The following KIF15 variants were observed in gnomAD, a reference collection of about 807,000 sequenced individuals.
KIF15 encodes the protein kinesin-like protein KIF15.
KIF15 carries 140 observed loss-of-function variants against 190.6 expected under a neutral mutation model. The observed-to-expected ratio is 0.73, with a 90% CI of 0.64 to 0.84. The LOEUF (loss-of-function observed/expected upper bound fraction) is 0.84. Among genes scored for constraint, KIF15 ranks in the 40% least tolerant of loss-of-function variants. The pLI, the probability that KIF15 is intolerant of heterozygous loss-of-function variation, is 0.00. For missense variants in KIF15, 1,372 were observed against 1,584.4 expected, an observed-to-expected ratio of 0.87 and a Z score of 2.28; for synonymous variants, 528 against 551.3, an observed-to-expected ratio of 0.96 and a Z score of 0.59.
At chr3:44,822,891 T>C (rs147114871) in intron 20 of KIF15, among the ~76,000 whole-genome samples, 2,827 of 152,306 alleles carry the variant, frequency 0.019, 74 homozygotes, top group African/African-American at 0.063. Flanking sequence ...CTGTTTATTC[T>C]AGTTAGCCAT....
rs958381583 is a variant in KIF15 at position 44,861,940 on chromosome 3, G to T, written c.*59+9146G>T. ...AGCAGGCAACATGGCCGAGAGGCCG[G>T]GGCCTCCGGGCGGCGCCGTGTCCGC... On this transcript the variant is annotated intron_variant and NMD_transcript_variant, in intron 6 of 6. Transcript: ENST00000422209. The T allele has an allele frequency of 7.0e-6, 10 of 1,421,730 alleles. No homozygotes were observed. In the Admixed American group the frequency reaches 2.2e-4, roughly 31 times the overall value. The allele number at this position is 1,421,730 out of a possible 1,614,324, so 88.1% of individuals were successfully genotyped here.
rs1270224017 is a variant in KIF15 at position 44,780,883 on chromosome 3, A to G, written c.324-2A>G. Reference sequence around the variant, plus strand: ...AAATAATATGTAAAACATTTTTTACAGTGGACAGACTGGCTCAGGGAAGAC... The same window carrying G: ...AAATAATATGTAAAACATTTTTTACGGTGGACAGACTGGCTCAGGGAAGAC... On this transcript the variant is annotated splice_acceptor_variant, in intron 4 of 34. Coordinates refer to ENST00000326047, the MANE Select transcript of KIF15 (RefSeq NM_020242.3). LOFTEE classifies it high-confidence loss of function. 6.3e-7 allele frequency: 1 copy of G among 1,589,164 alleles called. No homozygotes were observed. Among genetic ancestry groups the G allele is most frequent in the Admixed American group, 1.7e-5 (1 of 57,598 alleles).
At chr3:44,860,249 C>CT (rs1453012570) in intron 6 of KIF15, among the ~76,000 whole-genome samples, 1 of 152,194 alleles carries the variant, frequency 6.6e-6, no homozygotes, top group African/African-American at 2.4e-5. Context: ...CTGATAAGAG[C>CT]TTTCAGAGGG....
intron 8 of KIF15, among the ~76,000 whole-genome samples, chr3:44,796,452 G>T (rs149525322): frequency 6.6e-6 from 1 of 152,176 alleles, no homozygotes; most frequent in Non-Finnish European, 1.5e-5. Context: ...ACAACTCTGG[G>T]AAGTAGGTGC....
At chr3:44,831,789 G>A (rs1335857611) in intron 26 of KIF15, among the ~76,000 whole-genome samples, 2 of 151,990 alleles carry the variant, frequency 1.3e-5, no homozygotes, top group African/African-American at 4.8e-5. Context: ...TCAGTTTCTT[G>A]TGTAACTTTC....
At chr3:44,849,047 G>A (rs1447311912) in intron 32 of KIF15, among the ~76,000 whole-genome samples, 2 of 152,174 alleles carry the variant, frequency 1.3e-5, no homozygotes, top group Admixed American at 6.5e-5. Flanking sequence ...TGAGCAAGGT[G>A]TACTATATTT....
chr3:44,845,274 T>A (rs868770475), intron 30 of KIF15, among the ~76,000 whole-genome samples: 7 of 152,238 alleles, frequency 4.6e-5, no homozygotes, highest in South Asian at 2.1e-4. Flanking sequence ...GAGGTGGTTT[T>A]GGTGGGAGTA....
At chr3:44,794,764 A>AC (rs1706890575) in intron 8 of KIF15, among the ~76,000 whole-genome samples, 1 of 152,138 alleles carries the variant, frequency 6.6e-6, no homozygotes, top group Non-Finnish European at 1.5e-5. Flanking sequence ...GATCGAGACC[A>AC]TCCTGGCCAA....
chr3:44,800,693 ACTT>A (rs1707226023), intron 11 of KIF15, among the ~76,000 whole-genome samples: 1 of 152,378 alleles, frequency 6.6e-6, no homozygotes, highest in African/African-American at 2.4e-5. Context: ...ATTTAGATCT[ACTT>A]CTACGTAGCA....
intron 6 of KIF15, among the ~76,000 whole-genome samples, chr3:44,785,847 T>C (rs894814503): frequency 1.3e-5 from 2 of 152,128 alleles, no homozygotes; most frequent in Admixed American, 6.5e-5. Flanking sequence ...CCCCCTGTAT[T>C]AGCTCCCAGG....
At position 44,807,474 on chromosome 3, in the gene KIF15, C is replaced by T. The variant is rs915886653; in HGVS notation, c.1971+1488C>T. Among the ~76,000 whole-genome samples the T allele has an allele frequency of 9.2e-5, 14 of 152,244 alleles. No homozygotes were observed. The South Asian group carries it at 2.7e-3, about 29-fold the overall frequency. ...TCCTGACCTCAGGTGATCCGCCCGT[C>T]TCGCCTCCCAAAGTGCTGGGATTAT... is the stretch of plus-strand genomic sequence containing the variant. On this transcript the variant is annotated intron_variant, in intron 16 of 34. Transcript: ENST00000326047.
chr3:44,788,281 T>G (rs745785560), intron 7 of KIF15, among the ~76,000 whole-genome samples: 1 of 152,264 alleles, frequency 6.6e-6, no homozygotes, highest in Non-Finnish European at 1.5e-5. Flanking sequence ...AAAGTTTTGT[T>G]TGATGCTTTT....
rs777545994 is a variant in KIF15, at chr3:44,775,404, G to A, written c.213G>A (p.Thr71=). 5.6e-6 allele frequency: 9 copies of A among 1,612,584 alleles called. No homozygotes were observed. Among genetic ancestry groups the A allele is most frequent in the Admixed American group, 1.7e-5 (1 of 59,642 alleles). The part of the protein sequence containing the change: ...LHSNPEPKTF[T]FDHVADVDTT... ...CCAACCCTGAGCCCAAGACCTTCAC[G>A]TTTGATCATGTTGCAGATGTGGATA... is the stretch of plus-strand genomic sequence containing the variant. Residue 71 remains threonine (T), a synonymous_variant, in exon 3 of 35, where the codon ACG becomes ACA. Coordinates refer to ENST00000326047, the MANE Select transcript of KIF15 (RefSeq NM_020242.3).
Position 44,848,500 on chromosome 3 carries a change from CT to C in KIF15, c.3769-14del. 6 of 1,034,388 alleles carry C rather than the reference CT, an allele frequency of 5.8e-6. No homozygotes were observed. Among genetic ancestry groups the C allele is most frequent in the Admixed American group, 2.3e-5 (1 of 43,298 alleles). 64.1% of individuals were successfully genotyped at this position (1,034,388 alleles called of 1,614,324 possible). A position where few individuals can be genotyped will look rare whatever the true frequency, so the allele number is the denominator to read the frequency against. ...AGAACCTAAGCAATCTTTTTATTTT[CT>C]TTTTTTAATCTTCTTATAGAGTAAA... On this transcript the variant is annotated intron_variant, in intron 31 of 34. Transcript: ENST00000326047.
intron 5 of KIF15, among the ~76,000 whole-genome samples, chr3:44,783,357 TGA>T (rs368367542): frequency 3.3e-5 from 5 of 149,648 alleles, no homozygotes; most frequent in South Asian, 2.1e-4. Context: ...GAGAGGAAAG[TGA>T]GAGAGAGAGA....
chr3:44,789,375 C>T lies in KIF15; in HGVS notation c.639+2801C>T, dbSNP rs1448368640. Among the ~76,000 whole-genome samples the T allele has an allele frequency of 2.6e-5, 4 of 151,672 alleles. No homozygotes were observed. The East Asian group carries it at 5.8e-4, about 22-fold the overall frequency. On this transcript the variant is annotated intron_variant, in intron 7 of 34. Coordinates refer to ENST00000326047, the MANE Select transcript of KIF15 (RefSeq NM_020242.3). ...GTGTGAGGATTTCTAACTTATTTCT[C>T]ACATTGATTCTCAATTGCATTGGGA...
rs780837283 is a variant in KIF15, at chr3:44,840,419, T to C, written c.3383T>C (p.Leu1128Pro). 1.2e-5 allele frequency: 20 copies of C among 1,610,030 alleles called. No individual in the cohort carries two copies. In the Admixed American group the frequency reaches 1.4e-4, roughly 11 times the overall value. The change falls in exon 28 of 35, where the codon CTA becomes CCA. Residue 1128 changes from leucine (L) to proline (P), a missense_variant. Transcript: ENST00000326047. ...KNEYNFKMRQ[L>P]EHVMDSAAED... ...GAATATAACTTCAAAATGAGGCAAC[T>C]AGAACATGTGATGGATTCTGCTGCT...
At chr3:44,795,931 G>A (rs1171292697) in intron 8 of KIF15, among the ~76,000 whole-genome samples, 6 of 151,918 alleles carry the variant, frequency 3.9e-5, no homozygotes, top group Admixed American at 2.6e-4. Flanking sequence ...GCATGATCTC[G>A]GCTTACTGCA....
rs2125911369 is a variant in KIF15 at position 44,780,891 on chromosome 3, G to A, written c.330G>A (p.Gln110=). Reference sequence around the variant, plus strand: ...TGTAAAACATTTTTTACAGTGGACAGACTGGCTCAGGGAAGACATTTACTA... The same window carrying A: ...TGTAAAACATTTTTTACAGTGGACAAACTGGCTCAGGGAAGACATTTACTA... ...GYNGTIFAYG[Q]TGSGKTFTMM... The change falls in exon 5 of 35, where the codon CAG becomes CAA. Residue 110 remains glutamine, a synonymous_variant. Coordinates refer to ENST00000326047, the MANE Select transcript of KIF15 (RefSeq NM_020242.3). The A allele has an allele frequency of 1.3e-6, 2 of 1,599,832 alleles. No homozygotes were observed. Among genetic ancestry groups the A allele is most frequent in the East Asian group, 4.5e-5 (2 of 44,580 alleles).
Sources: allele counts gnomAD v4.1 joint callset (sites outside exome capture counted in the v4.1 genomes callset), GRCh38; gene constraint gnomAD v4.1.1; transcripts MANE v1.5; gene names NCBI Gene and HGNC (gene_info 2026-07-23, HGNC 2026-07-21).